SEC16A: variants seen among roughly 807,000 people sequenced by gnomAD.
The protein encoded by SEC16A is SEC16 homolog A, endoplasmic reticulum export factor.
A neutral mutation model predicts 221.9 loss-of-function variants in SEC16A; 110 were observed. The ratio of observed to expected loss-of-function variants is 0.50; its 90% confidence interval spans 0.42 to 0.58. The LOEUF is 0.58. SEC16A is among the 20% of genes least tolerant of loss of function. The probability of loss-of-function intolerance (pLI) is 0.00; values close to 1 mark genes in which losing one functional copy is unlikely to be tolerated. For missense variants in SEC16A, 3,165 were observed against 3,097.8 expected (o/e 1.02, Z -0.52); for synonymous variants, 1,393 against 1,257.7 (o/e 1.11, Z -2.28).
At position 136,475,532 on chromosome 9, in the gene SEC16A, G is replaced by A. The variant is rs368747402; in HGVS notation, c.2084C>T (p.Pro695Leu). 1.8e-5 allele frequency: 29 copies of A among 1,613,142 alleles called. No individual in the cohort carries two copies. The highest frequency in any genetic ancestry group is 5.0e-5 in the Admixed American group (3 of 59,914). Residue 695 changes from proline to leucine, a missense_variant, in exon 3 of 32, where the codon CCG becomes CTG. Pro to Leu is a moderately conservative substitution (Grantham distance 98). This residue lies in a region of SEC16A where 2,030 missense variants were observed against 1,923.1 expected (regional missense o/e 1.06). Transcript: ENST00000684901. The surrounding 1 kb of genome is among the most constrained non-coding windows in gnomAD (Gnocchi z 5.0). ...TGCTGGATACACAGTATCCAAGGGC[G>A]GTGCCCCTGCGTGCGGAAGCATGTG... Reference protein sequence around the residue: ...AVHMLPHAGAPPLDTVYPAPE... With the variant: ...AVHMLPHAGALPLDTVYPAPE...
At position 136,468,495 on chromosome 9, in the gene SEC16A, C is replaced by G. The variant is rs779478361; in HGVS notation, c.3722G>C (p.Gly1241Ala). The G allele has an allele frequency of 1.9e-6, 3 of 1,611,168 alleles. No homozygotes were observed. The highest frequency in any genetic ancestry group is 2.5e-6 in the Non-Finnish European group (3 of 1,177,470). The change falls in exon 5 of 32, where the codon GGA becomes GCA. Residue 1241 changes from glycine (G) to alanine (A), a missense_variant. Around this residue, in one of 3 missense-constraint regions of SEC16A, gnomAD observed 2,030 missense variants for 1,923.1 expected, o/e 1.06. Coordinates refer to ENST00000684901, the MANE Select transcript of SEC16A (RefSeq NM_014866.2). ...RPPPRQGYPE[G>A]YYSSKSGWSS... is the part of the protein sequence containing the mutation. ...CCATCCACTTTTGGAACTATAGTAT[C>G]CTTCAGGATATCCTTGCCTGAAAAA...
intron 17 of SEC16A, among the ~76,000 whole-genome samples, chr9:136,458,130 A>AT (rs1222002410): frequency 0.013 from 1,490 of 116,218 alleles, 41 homozygotes; most frequent in African/African-American, 0.041. Context: ...TAATTTTTGT[A>AT]TTTTTTTTTT....
At chr9:136,472,705 A>C (rs1462945095) in intron 3 of SEC16A, among the ~76,000 whole-genome samples, 1 of 152,224 alleles carries the variant, frequency 6.6e-6, no homozygotes, top group Non-Finnish European at 1.5e-5. Context: ...CCATGTGGAC[A>C]CATGAGGATC....
Position 136,466,247 on chromosome 9 carries a change from G to C in SEC16A, c.4128+17C>G. ...TAAACACAACCGTCCGCGTGTCTGT[G>C]AGGCGCCGCCGCGTACCTGGTGCGA... On this transcript the variant is annotated intron_variant, in intron 7 of 31. Transcript: ENST00000684901. The surrounding 1 kb of genome is among the most constrained non-coding windows in gnomAD (Gnocchi z 5.5). The C allele has an allele frequency of 1.9e-6, 3 of 1,587,030 alleles. No individual in the cohort carries two copies. The highest frequency in any genetic ancestry group is 2.6e-6 in the Non-Finnish European group (3 of 1,164,904).
At position 136,440,327 on chromosome 9, in the gene SEC16A, G is replaced by A. The variant is rs1320336224; in HGVS notation, c.*1428C>T. 6.6e-6 allele frequency: 1 copy of A among 152,334 alleles called. No individual in the cohort carries two copies. The highest frequency in any genetic ancestry group is 1.5e-5 in the Non-Finnish European group (1 of 68,042). 9.4% of individuals were successfully genotyped at this position (152,334 alleles called of 1,614,324 possible). A position where few individuals can be genotyped will look rare whatever the true frequency, so the allele number is the denominator to read the frequency against. ...CACAGGGACTGGCCTTTCTCCAAGT[G>A]ACAAGGACAAATGGATCCAGCGGGA... On this transcript the variant is annotated 3_prime_UTR_variant, in exon 32 of 32. Transcript: ENST00000684901.
chr9:136,441,644 G>A lies in SEC16A; in HGVS notation c.*111C>T. ...AGGCACAGTGTGCGACCAGCTCTGA[G>A]TCACTGCTGTGTCTCCCTGGGGGCG... On this transcript the variant is annotated 3_prime_UTR_variant, in exon 32 of 32. Coordinates refer to ENST00000684901, the MANE Select transcript of SEC16A (RefSeq NM_014866.2). 2 of 872,478 alleles carry A rather than the reference G, an allele frequency of 2.3e-6. No homozygotes were observed. Among genetic ancestry groups the A allele is most frequent in the Non-Finnish European group, 3.8e-6 (2 of 527,778 alleles). 54.0% of individuals were successfully genotyped at this position (872,478 alleles called of 1,614,324 possible). A position where few individuals can be genotyped will look rare whatever the true frequency, so the allele number is the denominator to read the frequency against.
At chr9:136,483,057 G>A (rs1842618862), upstream of SEC16A, 3 of 978,014 alleles carry the variant, frequency 3.1e-6, no homozygotes, top group South Asian at 9.4e-5. Flanking sequence ...GGTCTCCGCG[G>A]CCGCCGCGCC....
rs773432396 is a variant in SEC16A, at chr9:136,447,029, A to G, written c.6698-80T>C. The G allele has an allele frequency of 1.2e-6, 2 of 1,604,140 alleles. No homozygotes were observed. Among genetic ancestry groups the G allele is most frequent in the African/African-American group, 2.7e-5 (2 of 74,342 alleles). On this transcript the variant is annotated intron_variant, in intron 27 of 31. Coordinates refer to ENST00000684901, the MANE Select transcript of SEC16A (RefSeq NM_014866.2). The surrounding 1 kb of genome is among the most constrained non-coding windows in gnomAD (Gnocchi z 5.5). ...TCACTGAAGACACTCCGAGAGGAAG[A>G]GAGTTTCACACTGCACACGCGGCAC...
At position 136,466,155 on chromosome 9, in the gene SEC16A, CG is replaced by C; in HGVS notation, c.4129-20del. 6.4e-7 allele frequency: 1 copy of C among 1,574,040 alleles called. No individual in the cohort carries two copies. Among genetic ancestry groups the C allele is most frequent in the Non-Finnish European group, 8.6e-7 (1 of 1,157,726 alleles). ...TCTGACTCTTAGAAAACAAAGCAAA[CG>C]GGCAAAATCAATTCCCCAGGCACAG... On this transcript the variant is annotated intron_variant, in intron 7 of 31. Transcript: ENST00000684901. This position sits in a 1 kb window ranked among gnomAD's most constrained non-coding sequence, Gnocchi z 5.5.
Position 136,463,560 on chromosome 9 carries a change from T to C in SEC16A, c.4550A>G (p.Asn1517Ser), listed in dbSNP as rs772075776. Residue 1517 changes from asparagine (N) to serine (S), a missense_variant, in exon 11 of 32, where the codon AAC becomes AGC. Coordinates refer to ENST00000684901, the MANE Select transcript of SEC16A (RefSeq NM_014866.2). ...ATTCTGCAAACATTTCATAGCTTTG[T>C]TCTGTGCAAAATTAATGACATCCAC... ...HKVDVINFAQ[N>S]KAMKCLQNEN... The C allele has an allele frequency of 3.7e-6, 6 of 1,613,908 alleles. No individual in the cohort carries two copies. The highest frequency in any genetic ancestry group is 5.1e-6 in the Non-Finnish European group (6 of 1,179,878).
At chr9:136,480,257 G>A (rs1842153167) in intron 1 of SEC16A, among the ~76,000 whole-genome samples, 1 of 152,148 alleles carries the variant, frequency 6.6e-6, no homozygotes, top group Non-Finnish European at 1.5e-5. Context: ...GCCAGAACAC[G>A]CAAACTTCCA....
intron 1 of SEC16A, among the ~76,000 whole-genome samples, chr9:136,481,701 T>C (rs1381632343): frequency 6.6e-6 from 1 of 152,188 alleles, no homozygotes; most frequent in Non-Finnish European, 1.5e-5. Context: ...AGGAAGCCCC[T>C]GAGTTTACCT....
At chr9:136,449,063 C>T (rs1242682208) in intron 23 of SEC16A, among the ~76,000 whole-genome samples, 4 of 152,204 alleles carry the variant, frequency 2.6e-5, no homozygotes, top group Admixed American at 6.5e-5. Context: ...AGAACAGTAA[C>T]GTGCCTTCAG....
Position 136,476,502 on chromosome 9 carries a change from GAGCTCCTGA to G in SEC16A, c.1105_1113del (p.Ser369_Ala371del), listed in dbSNP as rs545335424. 10,949 of 1,613,174 alleles carry G rather than the reference GAGCTCCTGA, an allele frequency of 6.8e-3. 65 individuals carry two copies. Among genetic ancestry groups the G allele is most frequent in the Non-Finnish European group, 8.1e-3 (9,526 of 1,179,720 alleles). ...TCTCCCCCTTGGAAAAACATCGCCA[GAGCTCCTGA>G]AGCTCCTGAGTCTGCTTCTAGCGGG... On this transcript the variant is annotated inframe_deletion, in exon 3 of 32. Transcript: ENST00000684901.
intron 8 of SEC16A, among the ~76,000 whole-genome samples, chr9:136,464,910 C>T (rs1465739058): frequency 6.6e-6 from 1 of 152,140 alleles, no homozygotes; most frequent in Non-Finnish European, 1.5e-5. Flanking sequence ...CAAATTCAGA[C>T]TGCGATGACC....
At chr9:136,481,273 C>T (rs1589032816) in intron 1 of SEC16A, among the ~76,000 whole-genome samples, 1 of 151,548 alleles carries the variant, frequency 6.6e-6, no homozygotes, top group Admixed American at 6.6e-5. Flanking sequence ...GTAGCTGGGA[C>T]TACAGGCGCC....
rs1564487894 is a variant in SEC16A, at chr9:136,459,269, G to T, written c.5304-30C>A. 1 of 1,596,568 alleles carries T rather than the reference G, an allele frequency of 6.3e-7. No homozygotes were observed. The highest frequency in any genetic ancestry group is 1.1e-5 in the South Asian group (1 of 89,184). On this transcript the variant is annotated intron_variant, in intron 16 of 31. Coordinates refer to ENST00000684901, the MANE Select transcript of SEC16A (RefSeq NM_014866.2). The surrounding 1 kb of genome is among the most constrained non-coding windows in gnomAD (Gnocchi z 6.1). Reference sequence around the variant, plus strand: ...AGAGGAAGTGAATTATTTTGATTTGGAAAAAATGGCCAATTATTGGCATAG... The same window carrying T: ...AGAGGAAGTGAATTATTTTGATTTGTAAAAAATGGCCAATTATTGGCATAG...
In SEC16A at chr9:136,464,567, A is replaced by T; in HGVS notation, c.4304-5T>A. 6.3e-7 allele frequency: 1 copy of T among 1,591,848 alleles called. No homozygotes were observed. Among genetic ancestry groups the T allele is most frequent in the East Asian group, 2.3e-5 (1 of 44,368 alleles). On this transcript the variant is annotated splice_polypyrimidine_tract_variant and splice_region_variant and intron_variant, in intron 8 of 31. Transcript: ENST00000684901. ...GAGAAGTTGGTCTTGATGAAACTGC[A>T]TTTAAAATAAATTGAAAAAGAAACA... is the stretch of plus-strand genomic sequence containing the variant.
intron 4 of SEC16A, among the ~76,000 whole-genome samples, chr9:136,468,790 A>G (rs1306648308): frequency 6.6e-6 from 1 of 152,260 alleles, no homozygotes; most frequent in Non-Finnish European, 1.5e-5. Context: ...TATAAAAGTC[A>G]ATGCTAAAAT....
Sources: gnomAD v4.1 joint callset for allele counts (sites outside exome capture counted in the v4.1 genomes callset) on GRCh38, gnomAD v4.1.1 for gene constraint, gnomAD v4.1.1 regional missense constraint, Gnocchi (gnomAD v3.1) non-coding constraint, MANE v1.5 for transcripts, NCBI Gene and HGNC (gene_info 2026-07-23, HGNC 2026-07-21) for gene names.